The following SAMD5 variants were observed in gnomAD, a reference collection of about 807,000 sequenced individuals.
SAMD5 encodes sterile alpha motif domain-containing protein 5.
A neutral mutation model predicts 11.3 loss-of-function variants in SAMD5; 13 were observed. The ratio of observed to expected loss-of-function variants is 1.15; its 90% CI spans 0.75 to 1.83. The LOEUF is 1.83. Among genes scored for constraint, SAMD5 ranks in the 40% most tolerant of loss-of-function variants. SAMD5 has a pLI of 0.00. For synonymous variants in SAMD5, 129 were observed against 111.3 expected, an observed-to-expected ratio of 1.16 and a Z score of -1.00; for missense variants, 255 against 239.1, an observed-to-expected ratio of 1.07 and a Z score of -0.44.
At chr6:147,673,209 CA>C (rs1315831552) in intron 1 of SAMD5, among the ~76,000 whole-genome samples, 1 of 150,126 alleles carries the variant, frequency 6.7e-6, no homozygotes, top group Non-Finnish European at 1.5e-5. Flanking sequence ...TACCAAAAAG[CA>C]AAAACCATTT....
the SAMD5 span, among the ~76,000 whole-genome samples, chr6:147,909,258 A>C: frequency 6.6e-6 from 1 of 152,174 alleles, no homozygotes; most frequent in Non-Finnish European, 1.5e-5. Context: ...CAATCTGTGA[A>C]TGTGTTTATT....
chr6:147,807,125 A>T, the SAMD5 span, among the ~76,000 whole-genome samples: 2 of 151,758 alleles, frequency 1.3e-5, no homozygotes, highest in African/African-American at 4.8e-5. Flanking sequence ...GATGGAAAGG[A>T]GTCTTGCTCT....
the SAMD5 span, among the ~76,000 whole-genome samples, chr6:147,785,726 T>C: frequency 6.6e-6 from 1 of 152,142 alleles, no homozygotes; most frequent in Non-Finnish European, 1.5e-5. Context: ...GGACAAAAAG[T>C]ATAAATGCTA....
At position 147,567,238 on chromosome 6, in the gene SAMD5, T is replaced by C; in HGVS notation, c.*2782T>C. Reference sequence around the variant, plus strand: ...CAAGTGGGAGCTGAACCAGTAATTGTGGGGAAAACTGAATTTATAGCAACA... The same window carrying C: ...CAAGTGGGAGCTGAACCAGTAATTGCGGGGAAAACTGAATTTATAGCAACA... On this transcript the variant is annotated 3_prime_UTR_variant, in exon 2 of 2. Coordinates refer to ENST00000367474, the MANE Select transcript of SAMD5 (RefSeq NM_001030060.3). 1.0e-6 allele frequency: 1 copy of C among 985,346 alleles called. No homozygotes were observed. Among genetic ancestry groups the C allele is most frequent in the Non-Finnish European group, 1.2e-6 (1 of 829,848 alleles). The allele number at this position is 985,346 out of a possible 1,614,324, so 61.0% of individuals were successfully genotyped here. A position where few individuals can be genotyped will look rare whatever the true frequency, so the allele number is the denominator to read the frequency against.
chr6:147,790,309 A>G, the SAMD5 span, among the ~76,000 whole-genome samples: 1 of 152,204 alleles, frequency 6.6e-6, no homozygotes, highest in Non-Finnish European at 1.5e-5. Flanking sequence ...ATCCCAAAAG[A>G]TGATCCCAAA....
At chr6:147,800,546 G>A in the SAMD5 span, among the ~76,000 whole-genome samples, 9 of 152,248 alleles carry the variant, frequency 5.9e-5, no homozygotes, top group Admixed American at 5.9e-4. Flanking sequence ...TGCCCGCAGA[G>A]GTGGAGCCTA....
At chr6:147,655,169 C>T (rs1336333939) in intron 1 of SAMD5, among the ~76,000 whole-genome samples, 1 of 152,108 alleles carries the variant, frequency 6.6e-6, no homozygotes, top group Non-Finnish European at 1.5e-5. Flanking sequence ...ACAAATTTTC[C>T]ATTTCCCAAG....
intron 1 of SAMD5, among the ~76,000 whole-genome samples, chr6:147,579,084 C>T (rs1366137579): frequency 6.6e-6 from 1 of 152,236 alleles, no homozygotes; most frequent in East Asian, 1.9e-4. Flanking sequence ...AGTTTGAGAA[C>T]AACTGATTGA....
At chr6:147,593,086 G>A (rs550144903) in intron 1 of SAMD5, among the ~76,000 whole-genome samples, 26 of 152,256 alleles carry the variant, frequency 1.7e-4, no homozygotes, top group African/African-American at 4.3e-4. Flanking sequence ...GTGTGGTAGA[G>A]GGAAGCGGCT....
At chr6:147,831,000 C>G in the SAMD5 span, among the ~76,000 whole-genome samples, 3 of 152,172 alleles carry the variant, frequency 2.0e-5, no homozygotes, top group African/African-American at 7.2e-5. Context: ...GTACATCTCA[C>G]AAACATAAAA....
intron 1 of SAMD5, among the ~76,000 whole-genome samples, chr6:147,546,881 T>C (rs1788695945): frequency 6.6e-6 from 1 of 152,210 alleles, no homozygotes; most frequent in South Asian, 2.1e-4. Context: ...TGGTTGTATC[T>C]AGATTCCTAT....
At chr6:147,717,287 G>T (rs540544555) in intron 1 of SAMD5, among the ~76,000 whole-genome samples, 8 of 152,306 alleles carry the variant, frequency 5.3e-5, no homozygotes, top group African/African-American at 1.9e-4. Context: ...TGGACAACTG[G>T]TCTTTTCTAC....
the SAMD5 span, among the ~76,000 whole-genome samples, chr6:147,792,408 G>A: frequency 6.6e-5 from 10 of 152,248 alleles, no homozygotes; most frequent in South Asian, 4.1e-4. Flanking sequence ...AGAATGCTCC[G>A]TTTGGTAACA....
the SAMD5 span, among the ~76,000 whole-genome samples, chr6:147,804,870 A>C: frequency 6.6e-6 from 1 of 152,222 alleles, no homozygotes; most frequent in Non-Finnish European, 1.5e-5. Flanking sequence ...AAAATTCTAG[A>C]CCTTGAATGG....
the SAMD5 span, among the ~76,000 whole-genome samples, chr6:147,758,793 C>T: frequency 8.5e-5 from 13 of 152,210 alleles, no homozygotes; most frequent in Admixed American, 1.3e-4. Context: ...CGGCCTGCTT[C>T]GGTTCCTTCC....
chr6:147,725,262 G>C (rs1344784971), intron 1 of SAMD5, among the ~76,000 whole-genome samples: 1 of 152,136 alleles, frequency 6.6e-6, no homozygotes, highest in African/African-American at 2.4e-5. Context: ...CAGACTAGCT[G>C]ATTGATGGTT....
At chr6:147,574,418 A>G (rs1406217616), downstream of SAMD5, among the ~76,000 whole-genome samples, 1 of 152,142 alleles carries the variant, frequency 6.6e-6, no homozygotes, top group Non-Finnish European at 1.5e-5. Flanking sequence ...ACCTTTATTT[A>G]TCTTCTGTAG....
intron 1 of SAMD5, among the ~76,000 whole-genome samples, chr6:147,651,308 C>A (rs1033014467): frequency 1.3e-5 from 2 of 152,180 alleles, no homozygotes; most frequent in African/African-American, 4.8e-5. Context: ...ACAAACAATC[C>A]CCACACATTG....
intron 1 of SAMD5, among the ~76,000 whole-genome samples, chr6:147,591,342 T>A (rs1789451333): frequency 6.6e-6 from 1 of 152,208 alleles, no homozygotes; most frequent in South Asian, 2.1e-4. Flanking sequence ...ACTACCTGAT[T>A]GTCCTTGTAT....
Sources: allele counts gnomAD v4.1 joint callset (sites outside exome capture counted in the v4.1 genomes callset), GRCh38; gene constraint gnomAD v4.1.1; transcripts MANE v1.5; gene names NCBI Gene and HGNC (gene_info 2026-07-23, HGNC 2026-07-21).